ANAPC7: variants seen among roughly 807,000 people sequenced by gnomAD.
ANAPC7 encodes anaphase promoting complex subunit 7.
Under a neutral mutation model 63.3 loss-of-function variants are expected in ANAPC7, and 25 were observed. That is an observed-to-expected ratio of 0.39 (90% confidence interval 0.29 to 0.55). The LOEUF is 0.55. Among genes scored for constraint, ANAPC7 ranks in the 20% least tolerant of loss-of-function variants. ANAPC7 has a pLI of 0.57. For synonymous variants in ANAPC7, 241 were observed against 251.7 expected, an observed-to-expected ratio of 0.96 and a Z score of 0.40; for missense variants, 516 against 691.7, an observed-to-expected ratio of 0.75 and a Z score of 2.85.
intron 1 of ANAPC7, among the ~76,000 whole-genome samples, chr12:110,403,090 C>A (rs1363399937): frequency 1.3e-5 from 2 of 152,076 alleles, no homozygotes; most frequent in African/African-American, 4.8e-5. Context: ...TCCTGATACA[C>A]TTAACGGGGG....
At chr12:110,380,333 AGAGT>A (rs1226139005) in intron 8 of ANAPC7, among the ~76,000 whole-genome samples, 6 of 152,000 alleles carry the variant, frequency 3.9e-5, no homozygotes, top group Admixed American at 1.3e-4. Context: ...CCTGGGTGAC[AGAGT>A]GAGACTCTAT....
At chr12:110,391,031 A>G (rs1359507987) in intron 3 of ANAPC7, among the ~76,000 whole-genome samples, 2 of 152,152 alleles carry the variant, frequency 1.3e-5, no homozygotes, top group Admixed American at 6.6e-5. Flanking sequence ...CTCTACTAGA[A>G]TACAAAAAAT....
chr12:110,382,647 G>A (rs753925448), intron 7 of ANAPC7, among the ~76,000 whole-genome samples, 196 bp downstream of exon 7: 2 of 151,126 alleles, frequency 1.3e-5, no homozygotes, highest in Non-Finnish European at 2.9e-5. Context: ...TTGGCTCACT[G>A]CAACCTCTGC....
Position 110,395,125 on chromosome 12 carries a change from G to C in ANAPC7, c.384C>G (p.Ile128Met). 6.2e-7 allele frequency: 1 copy of C among 1,613,762 alleles called. No individual in the cohort carries two copies. The highest frequency in any genetic ancestry group is 8.5e-7 in the Non-Finnish European group (1 of 1,179,878). Reference protein sequence around the residue: ...DKDAIAILDGIPSRQRTPKIN... With the variant: ...DKDAIAILDGMPSRQRTPKIN... ...CTTTGGGAGTTCTTTGTCTTGAAGG[G>C]ATCCCATCAAGTATAGCAATGGCAT... is the stretch of plus-strand genomic sequence containing the variant. Residue 128 changes from isoleucine (I) to methionine (M), a missense_variant, in exon 3 of 11, where the codon ATC (isoleucine) becomes ATG (methionine). By Grantham distance (10) the Ile-to-Met change is conservative. This residue lies in a region of ANAPC7 where 185 missense variants were observed against 200.3 expected (regional missense o/e 0.92). Coordinates refer to ENST00000455511, the MANE Select transcript of ANAPC7 (RefSeq NM_016238.3).
At chr12:110,387,291 G>GAGAGAGAGAGAGAGAGAGAGAGAGAC (rs1882608343) in intron 5 of ANAPC7, 2 of 126,310 alleles carry the variant, frequency 1.6e-5, no homozygotes, top group Admixed American at 7.6e-5. Context: ...GAGAGACAGA[G>GAGAGAGAGAGAGAGAGAGAGAGAGAC]AGAGAGAGAG....
At chr12:110,386,684 A>G (rs1050401777) in intron 5 of ANAPC7, 5 of 473,048 alleles carry the variant, frequency 1.1e-5, no homozygotes, top group African/African-American at 2.0e-5. Flanking sequence ...GTACCAACAA[A>G]TAACTCTGTG....
intron 6 of ANAPC7, 80 bp from the exon 7 acceptor site, chr12:110,383,040 T>C (rs912899348): frequency 1.1e-5 from 12 of 1,051,448 alleles, no homozygotes; most frequent in Admixed American, 1.0e-4. Context: ...GCACCCAACA[T>C]CAGACCCCAT....
intron 7 of ANAPC7, among the ~76,000 whole-genome samples, chr12:110,382,627 T>G (rs1369519779): frequency 6.6e-6 from 1 of 151,460 alleles, no homozygotes; most frequent in Non-Finnish European, 1.5e-5. Flanking sequence ...TGGAGTGCAG[T>G]GGCACGATCT....
chr12:110,388,583 T>G lies in ANAPC7; in HGVS notation c.449A>C (p.Gln150Pro). 1 of 1,614,238 alleles carries G rather than the reference T, an allele frequency of 6.2e-7. No individual in the cohort carries two copies. Among genetic ancestry groups the G allele is most frequent in the East Asian group, 2.2e-5 (1 of 44,894 alleles). ...ATAGCTGGTGACTGAAGGGCGCTCC[T>G]GACCAGCCTTCTTGTACAGGTTTGC... ...MLANLYKKAGQERPSVTSYKE... is the reference protein window; with the variant it reads ...MLANLYKKAGPERPSVTSYKE... The change falls in exon 4 of 11, where the codon CAG becomes CCG. Residue 150 changes from glutamine (Q) to proline (P), a missense_variant. By Grantham distance (76) the Gln-to-Pro change is moderately conservative. Around this residue, in one of 4 missense-constraint regions of ANAPC7, gnomAD observed 185 missense variants for 200.3 expected, o/e 0.92. Transcript: ENST00000455511.
Position 110,381,798 on chromosome 12 carries a change from A to C in ANAPC7, c.1086T>G (p.Phe362Leu). 1.2e-6 allele frequency: 2 copies of C among 1,614,022 alleles called. No homozygotes were observed. Among genetic ancestry groups the C allele is most frequent in the South Asian group, 2.2e-5 (2 of 91,084 alleles). The part of the protein sequence containing the change: ...MGRVQEAIIH[F>L]REAIRLAPCR... Reference sequence around the variant, plus strand: ...AAGGTGCGAGCCGTATGGCCTCCCGAAAGTGGATTATTGCTTCTTGGACTC... The same window carrying C: ...AAGGTGCGAGCCGTATGGCCTCCCGCAAGTGGATTATTGCTTCTTGGACTC... Residue 362 changes from phenylalanine (F) to leucine (L), a missense_variant, in exon 8 of 11, where the codon TTT becomes TTG. Coordinates refer to ENST00000455511, the MANE Select transcript of ANAPC7 (RefSeq NM_016238.3).
chr12:110,396,587 T>C, intron 1 of ANAPC7, 135 bp from the exon 2 acceptor site: 1 of 605,176 alleles, frequency 1.7e-6, no homozygotes, highest in Non-Finnish European at 2.7e-6. Context: ...CTCGGCTCAC[T>C]GCAACCTCCA....
intron 6 of ANAPC7, among the ~76,000 whole-genome samples, chr12:110,385,387 T>C (rs987787139): frequency 1.3e-5 from 2 of 152,236 alleles, no homozygotes; most frequent in African/African-American, 4.8e-5. Flanking sequence ...CTTCCATCCC[T>C]TGCTATCCCT....
In ANAPC7 at chr12:110,386,372, G is replaced by A. The variant is rs752128175; in HGVS notation, c.772C>T (p.Leu258Phe). ...AACATCTGTGCCTGTTCAAACTTGA[G>A]GACAGAGTTTTTATTGTCTCCAGCT... Reference protein sequence around the residue: ...FRAGDNKNSVLKFEQAQMLDP... With the variant: ...FRAGDNKNSVFKFEQAQMLDP... The change falls in exon 6 of 11, where the codon CTC (leucine) becomes TTC (phenylalanine). Residue 258 changes from leucine to phenylalanine, a missense_variant. Leu to Phe is a conservative substitution (Grantham distance 22). Around this residue, in one of 4 missense-constraint regions of ANAPC7, gnomAD observed 199 missense variants for 249.3 expected, o/e 0.80. Transcript: ENST00000455511. The A allele has an allele frequency of 1.6e-5, 26 of 1,613,940 alleles. 1 individual carries two copies. In the Middle Eastern group the frequency reaches 2.8e-3, roughly 174 times the overall value.
rs1029449313 is a variant in ANAPC7 at position 110,390,124 on chromosome 12, G to T, written c.409-1501C>A. Among the ~76,000 whole-genome samples the T allele has an allele frequency of 2.0e-5, 3 of 151,404 alleles. No individual in the cohort carries two copies. In the East Asian group the frequency reaches 5.9e-4, roughly 30 times the overall value. On this transcript the variant is annotated intron_variant, in intron 3 of 10. Coordinates refer to ENST00000455511, the MANE Select transcript of ANAPC7 (RefSeq NM_016238.3). The stretch of plus-strand genomic sequence containing the variant: ...ACGCTTGTCACCCAGGCTAGAGTGC[G>T]ATGGCACGATCTCAGCTCACTGCAA...
chr12:110,375,956 T>C, intron 10 of ANAPC7, 110 bp downstream of exon 10: 2 of 1,394,796 alleles, frequency 1.4e-6, no homozygotes, highest in Non-Finnish European at 1.9e-6. Flanking sequence ...ATTATTCTGC[T>C]TTCAACCATG....
At chr12:110,401,851 G>A (rs374392897) in intron 1 of ANAPC7, among the ~76,000 whole-genome samples, 2 of 149,946 alleles carry the variant, frequency 1.3e-5, no homozygotes, top group East Asian at 2.0e-4. Context: ...GCGGGCGCCT[G>A]TAGTCCCAGC....
At chr12:110,383,703 C>G (rs980079030) in intron 6 of ANAPC7, among the ~76,000 whole-genome samples, 2 of 148,008 alleles carry the variant, frequency 1.4e-5, no homozygotes, top group Non-Finnish European at 3.0e-5. Context: ...AGGTGAAACC[C>G]CATCTCTACT....
intron 2 of ANAPC7, 83 bp from the exon 3 acceptor site, chr12:110,395,303 T>C: frequency 3.6e-6 from 5 of 1,376,034 alleles, no homozygotes; most frequent in Admixed American, 2.3e-5. Flanking sequence ...AGAGTTATCA[T>C]ATGACCCAGC....
At chr12:110,401,633 G>A (rs2062229632) in intron 1 of ANAPC7, among the ~76,000 whole-genome samples, 1 of 152,120 alleles carries the variant, frequency 6.6e-6, no homozygotes, top group African/African-American at 2.4e-5. Flanking sequence ...GTTCACGCCT[G>A]TAATCCTTAA....
Sources: gnomAD v4.1 joint callset for allele counts (sites outside exome capture counted in the v4.1 genomes callset) on GRCh38, gnomAD v4.1.1 for gene constraint, gnomAD v4.1.1 regional missense constraint, MANE v1.5 for transcripts, NCBI Gene and HGNC (gene_info 2026-07-23, HGNC 2026-07-21) for gene names.